Variants in PDE12 observed in about 807,000 individuals in gnomAD.
PDE12 encodes phosphodiesterase 12.
A neutral mutation model predicts 45.4 loss-of-function variants in PDE12; 26 were observed. The observed-to-expected ratio is 0.57, with a 90% CI of 0.42 to 0.79. The LOEUF (loss-of-function observed/expected upper bound fraction) is 0.79, where lower values mean the gene tolerates loss of function less well. Ranked by LOEUF, PDE12 falls within the 30% of genes least tolerant of loss-of-function variation. The pLI is 0.00. For synonymous variants in PDE12, 283 were observed against 323.9 expected, an observed-to-expected ratio of 0.87 and a Z score of 1.36; for missense variants, 668 against 790.0, an observed-to-expected ratio of 0.85 and a Z score of 1.85.
chr3:57,577,494 G>T, the PDE12 span: 22 of 845,266 alleles, frequency 2.6e-5, no homozygotes, highest in Non-Finnish European at 3.9e-5. Context: ...GGAAGAAAAT[G>T]TCTCTTTAAA....
the PDE12 span, among the ~76,000 whole-genome samples, chr3:57,644,950 AG>A: frequency 1.3e-5 from 2 of 152,118 alleles, no homozygotes; most frequent in South Asian, 4.2e-4. Context: ...GTTGACTAGA[AG>A]CAACCAGAAA....
At chr3:57,601,267 G>A in the PDE12 span, among the ~76,000 whole-genome samples, 1 of 151,908 alleles carries the variant, frequency 6.6e-6, no homozygotes, top group Non-Finnish European at 1.5e-5. Context: ...ATGCCACTGC[G>A]CCCGGCTAAT....
the PDE12 span, among the ~76,000 whole-genome samples, chr3:57,572,924 C>T: frequency 4.8e-4 from 73 of 151,024 alleles, 1 homozygote; most frequent in African/African-American, 1.7e-3. Context: ...TTTGTTAGGC[C>T]GGGCGTGGTG....
downstream of PDE12, among the ~76,000 whole-genome samples, chr3:57,568,794 T>C (rs2069809364): frequency 6.9e-6 from 1 of 144,550 alleles, no homozygotes; most frequent in South Asian, 2.2e-4. Context: ...AATATCAAGA[T>C]ATTACATCAC....
the PDE12 span, among the ~76,000 whole-genome samples, chr3:57,591,060 G>T: frequency 1.3e-5 from 2 of 152,104 alleles, no homozygotes; most frequent in Admixed American, 6.6e-5. Flanking sequence ...CACAGAAACA[G>T]AAGAACAGAT....
chr3:57,603,527 A>G, the PDE12 span, among the ~76,000 whole-genome samples: 1 of 151,488 alleles, frequency 6.6e-6, no homozygotes, highest in Non-Finnish European at 1.5e-5. Flanking sequence ...TAGTAGAGAC[A>G]GGGTTTCACA....
chr3:57,609,199 C>T, the PDE12 span, among the ~76,000 whole-genome samples: 8 of 152,214 alleles, frequency 5.3e-5, no homozygotes, highest in African/African-American at 1.7e-4. Context: ...AGAACAAAGA[C>T]ACAACATACC....
chr3:57,561,268 T>G lies in PDE12; in HGVS notation c.*1264T>G. 2 of 985,616 alleles carry G rather than the reference T, an allele frequency of 2.0e-6. No individual in the cohort carries two copies. Among genetic ancestry groups the G allele is most frequent in the Non-Finnish European group, 2.4e-6 (2 of 829,720 alleles). 61.1% of individuals were successfully genotyped at this position (985,616 alleles called of 1,614,324 possible). A position where few individuals can be genotyped will look rare whatever the true frequency, so the allele number is the denominator to read the frequency against. ...GGGCTTGAAATTTTGGATGAATCAT[T>G]GAGCATTTCTACACTAGAAGTAATT... On this transcript the variant is annotated 3_prime_UTR_variant, in exon 3 of 3. Coordinates refer to ENST00000311180, the MANE Select transcript of PDE12 (RefSeq NM_177966.7).
chr3:57,616,645 A>C, the PDE12 span, among the ~76,000 whole-genome samples: 16 of 152,226 alleles, frequency 1.1e-4, no homozygotes, highest in African/African-American at 3.9e-4. Flanking sequence ...CAGACTTTTA[A>C]GGAAGACATA....
At chr3:57,592,237 G>A in the PDE12 span, among the ~76,000 whole-genome samples, 4 of 152,108 alleles carry the variant, frequency 2.6e-5, no homozygotes, top group Non-Finnish European at 4.4e-5. Context: ...GCCTGTAATC[G>A]CAGCACTTTG....
chr3:57,639,715 T>C, the PDE12 span, among the ~76,000 whole-genome samples: 4 of 152,136 alleles, frequency 2.6e-5, no homozygotes, highest in Non-Finnish European at 5.9e-5. Flanking sequence ...AATTTGAGGC[T>C]TAAAGATGCT....
At chr3:57,630,619 A>C in the PDE12 span, 1 of 1,524,676 alleles carries the variant, frequency 6.6e-7, no homozygotes, top group Non-Finnish European at 8.8e-7. Flanking sequence ...AAACTTTAGT[A>C]GAATTTTTTA....
chr3:57,651,177 T>G, the PDE12 span, among the ~76,000 whole-genome samples: 12 of 152,344 alleles, frequency 7.9e-5, no homozygotes, highest in South Asian at 2.1e-3. Flanking sequence ...AACTTTATGA[T>G]GTTGCAAAAG....
chr3:57,560,157 TTGA>T lies in PDE12; in HGVS notation c.*156_*158del. On this transcript the variant is annotated 3_prime_UTR_variant, in exon 3 of 3. Coordinates refer to ENST00000311180, the MANE Select transcript of PDE12 (RefSeq NM_177966.7). ...TCCTGATGTCTTCGTTATGAAACTG[TTGA>T]TGTTTGCATCATACATCTTCTCTTT... is the stretch of plus-strand genomic sequence containing the variant. 1 of 1,411,398 alleles carries T rather than the reference TTGA, an allele frequency of 7.1e-7. No homozygotes were observed. The highest frequency in any genetic ancestry group is 1.6e-5 in the South Asian group (1 of 60,840). 87.4% of individuals were successfully genotyped at this position (1,411,398 alleles called of 1,614,324 possible). A position where few individuals can be genotyped will look rare whatever the true frequency, so the allele number is the denominator to read the frequency against.
At chr3:57,613,280 T>TAAA in the PDE12 span, among the ~76,000 whole-genome samples, 1 of 109,338 alleles carries the variant, frequency 9.1e-6, no homozygotes. Flanking sequence ...TGCCTGGCCA[T>TAAA]AAAAAAAAAA....
the PDE12 span, chr3:57,598,286 C>T: frequency 1.3e-5 from 2 of 152,116 alleles, no homozygotes; most frequent in African/African-American, 4.8e-5. Context: ...GTAGTGCCGT[C>T]CTATGTGGTT....
chr3:57,630,381 AAC>A, the PDE12 span: 1 of 1,500,220 alleles, frequency 6.7e-7, no homozygotes, highest in Non-Finnish European at 9.0e-7. Flanking sequence ...CTTTATTTTC[AAC>A]AGTTGTTAAT....
Position 57,566,821 on chromosome 3 carries a change from A to T in PDE12, c.*6817A>T, listed in dbSNP as rs575982575. The stretch of plus-strand genomic sequence containing the variant: ...ATTTGTTGTTTAGCCACCCCTCCTT[A>T]AAAAATAAATAATATAATAATCCAT... On this transcript the variant is annotated 3_prime_UTR_variant, in exon 3 of 3. Transcript: ENST00000311180. The T allele has an allele frequency of 5.6e-4, 85 of 152,252 alleles. No individual in the cohort carries two copies. The highest frequency in any genetic ancestry group is 2.0e-3 in the African/African-American group (81 of 41,534). The allele number at this position is 152,252 out of a possible 1,614,324, so 9.4% of individuals were successfully genotyped here.
the PDE12 span, among the ~76,000 whole-genome samples, chr3:57,600,356 TCTTTC>T: frequency 6.6e-6 from 1 of 150,520 alleles, no homozygotes; most frequent in East Asian, 2.0e-4. Context: ...TCTTTTTCTT[TCTTTC>T]CTTTCTTTTC....
Sources: allele counts gnomAD v4.1 joint callset (sites outside exome capture counted in the v4.1 genomes callset), GRCh38; gene constraint gnomAD v4.1.1; transcripts MANE v1.5; gene names NCBI Gene and HGNC (gene_info 2026-07-23, HGNC 2026-07-21).